Variants in CTNND2 observed in about 807,000 individuals in gnomAD.
CTNND2 encodes the protein catenin delta-2.
Under a neutral mutation model 144.4 loss-of-function variants are expected in CTNND2, and 22 were observed. The observed-to-expected ratio is 0.15, with a 90% confidence interval of 0.11 to 0.22. The LOEUF is 0.22. Ranked by LOEUF, CTNND2 falls within the 10% of genes least tolerant of loss-of-function variation. CTNND2 has a pLI of 1.00. For synonymous variants in CTNND2, 751 were observed against 695.6 expected, an observed-to-expected ratio of 1.08 and a Z score of -1.25; for missense variants, 1,353 against 1,618.8, an observed-to-expected ratio of 0.84 and a Z score of 2.82.
rs918789739 is a variant in CTNND2 at position 11,193,130 on chromosome 5, T to C, written c.1975+6318A>G. Reference sequence around the variant, plus strand: ...AGGCTGCTAAAGGACCCAGGCCCCATAGAGGCACAAGAATCCCCCTGGCTG... The same window carrying C: ...AGGCTGCTAAAGGACCCAGGCCCCACAGAGGCACAAGAATCCCCCTGGCTG... On this transcript the variant is annotated intron_variant, in intron 11 of 21. Transcript: ENST00000304623. 2.6e-5 allele frequency among the ~76,000 whole-genome samples: 4 copies of C among 152,142 alleles called. No homozygotes were observed. In the South Asian group the frequency reaches 6.2e-4, roughly 24 times the overall value.
chr5:11,028,902 G>A (rs978602753), intron 16 of CTNND2, among the ~76,000 whole-genome samples: 16 of 152,146 alleles, frequency 1.1e-4, no homozygotes, highest in Admixed American at 5.2e-4. Context: ...TAGATACAGG[G>A]TGTCACTATG....
At chr5:11,752,955 G>A (rs959846177) in intron 1 of CTNND2, among the ~76,000 whole-genome samples, 3 of 151,536 alleles carry the variant, frequency 2.0e-5, no homozygotes, top group Admixed American at 2.0e-4. Context: ...GAATGGGGTT[G>A]GTTTCTTCAT....
intron 15 of CTNND2, among the ~76,000 whole-genome samples, chr5:11,088,237 G>A (rs970400923): frequency 6.6e-6 from 1 of 152,090 alleles, no homozygotes; most frequent in Admixed American, 6.5e-5. Flanking sequence ...ATCTTATTCT[G>A]AGACCCCTGT....
chr5:11,096,778 A>C (rs572624188), intron 15 of CTNND2, among the ~76,000 whole-genome samples: 1 of 151,022 alleles, frequency 6.6e-6, no homozygotes, highest in East Asian at 1.9e-4. Flanking sequence ...AGAGAGACAG[A>C]GGGAGGGAGG....
intron 3 of CTNND2, among the ~76,000 whole-genome samples, chr5:11,445,148 A>G (rs537840855): frequency 6.6e-6 from 1 of 152,206 alleles, no homozygotes; most frequent in South Asian, 2.1e-4. Flanking sequence ...CCACAGGAGG[A>G]TCTTTCCTTT....
chr5:11,418,629 G>T lies in CTNND2; in HGVS notation c.288-6560C>A, dbSNP rs1489434689. ...GATAACTGGTTTTAAGAAGGGACGA[G>T]ATGATGACGAAGATGAAGCCTGCAG... On this transcript the variant is annotated intron_variant, in intron 3 of 21. Coordinates refer to ENST00000304623, the MANE Select transcript of CTNND2 (RefSeq NM_001332.4). 2.6e-5 allele frequency among the ~76,000 whole-genome samples: 4 copies of T among 152,308 alleles called. No homozygotes were observed. The East Asian group carries it at 7.7e-4, about 29-fold the overall frequency.
Position 11,098,714 on chromosome 5 carries a change from T to A in CTNND2, c.2498A>T (p.Glu833Val). The A allele has an allele frequency of 6.2e-7, 1 of 1,614,170 alleles. No homozygotes were observed. The highest frequency in any genetic ancestry group is 8.5e-7 in the Non-Finnish European group (1 of 1,180,012). The change falls in exon 15 of 22, where the codon GAA becomes GTA. Residue 833 changes from glutamate (E) to valine (V), a missense_variant. By Grantham distance (121) the Glu-to-Val change is moderately radical. Around this residue, in one of 4 missense-constraint regions of CTNND2, gnomAD observed 459 missense variants for 674.3 expected, o/e 0.68. Transcript: ENST00000304623. ...CAGCATCTGGATCCCTTTTGGTGGT[T>A]CAGCACAGTCTGGAAGAGGTCCTAC... ...DGVGPLPDCA[E>V]PPKGIQMLWH... is the part of the protein sequence containing the mutation.
chr5:11,677,849 AT>A (rs1024376370), intron 2 of CTNND2, among the ~76,000 whole-genome samples: 1 of 152,176 alleles, frequency 6.6e-6, no homozygotes, highest in Non-Finnish European at 1.5e-5. Flanking sequence ...GTGGTCCAGA[AT>A]TTGTGGCAAA....
chr5:11,647,942 G>A (rs532568164), intron 2 of CTNND2, among the ~76,000 whole-genome samples: 19 of 152,218 alleles, frequency 1.2e-4, no homozygotes, highest in East Asian at 5.8e-4. Flanking sequence ...ACAGAGTCAC[G>A]GACAGACATA....
intron 1 of CTNND2, among the ~76,000 whole-genome samples, chr5:11,768,858 G>A (rs976824595): frequency 5.3e-5 from 8 of 152,230 alleles, no homozygotes; most frequent in Non-Finnish European, 1.2e-4. Flanking sequence ...TCAAACATGT[G>A]GGGAATTCAG....
At chr5:11,500,345 A>G (rs1770419060) in intron 3 of CTNND2, among the ~76,000 whole-genome samples, 1 of 152,198 alleles carries the variant, frequency 6.6e-6, no homozygotes, top group Non-Finnish European at 1.5e-5. Flanking sequence ...CAAAATAACT[A>G]AACATCAGTT....
chr5:11,395,524 A>C (rs1453940195), intron 6 of CTNND2, among the ~76,000 whole-genome samples: 1 of 152,232 alleles, frequency 6.6e-6, no homozygotes, highest in Non-Finnish European at 1.5e-5. Flanking sequence ...TTCAAACTAT[A>C]ACTCTGATGA....
intron 3 of CTNND2, among the ~76,000 whole-genome samples, chr5:11,443,936 AC>A (rs2149898738): frequency 6.6e-6 from 1 of 152,322 alleles, no homozygotes; most frequent in South Asian, 2.1e-4. Context: ...TCTTACTGAC[AC>A]CAACTGTTAT....
At chr5:11,587,113 A>G (rs531241593) in intron 2 of CTNND2, among the ~76,000 whole-genome samples, 19 of 152,276 alleles carry the variant, frequency 1.2e-4, no homozygotes, top group Non-Finnish European at 1.9e-4. Context: ...ACGTAAATCT[A>G]TTAGACTGAT....
At chr5:11,264,000 G>T (rs530798159) in intron 9 of CTNND2, among the ~76,000 whole-genome samples, 6 of 152,114 alleles carry the variant, frequency 3.9e-5, no homozygotes, top group African/African-American at 1.4e-4. Flanking sequence ...GTAATCTCAC[G>T]TTCACCTTCG....
At chr5:11,267,507 A>G (rs1745567126) in intron 9 of CTNND2, among the ~76,000 whole-genome samples, 1 of 152,128 alleles carries the variant, frequency 6.6e-6, no homozygotes, top group South Asian at 2.1e-4. Context: ...CCTTTAAGAT[A>G]TTTTTATTAA....
At chr5:11,071,000 G>T (rs1010596122) in intron 16 of CTNND2, among the ~76,000 whole-genome samples, 1 of 151,440 alleles carries the variant, frequency 6.6e-6, no homozygotes, top group Non-Finnish European at 1.5e-5. Context: ...AGAGGAGAGG[G>T]GGAGAGGACA....
chr5:11,311,999 CCA>C (rs142393852), intron 9 of CTNND2, among the ~76,000 whole-genome samples: 3,409 of 115,148 alleles, frequency 0.03, 25 homozygotes, highest in Middle Eastern at 0.047. Flanking sequence ...TATATGCACC[CCA>C]CACACACACT....
chr5:11,288,946 A>G (rs916629247), intron 9 of CTNND2, among the ~76,000 whole-genome samples: 2 of 152,152 alleles, frequency 1.3e-5, no homozygotes, highest in African/African-American at 2.4e-5. Context: ...AAATGCTGTC[A>G]AATGTGGAAA....
Sources: gnomAD v4.1 joint callset for allele counts (sites outside exome capture counted in the v4.1 genomes callset) on GRCh38, gnomAD v4.1.1 for gene constraint, gnomAD v4.1.1 regional missense constraint, MANE v1.5 for transcripts, NCBI Gene and HGNC (gene_info 2026-07-23, HGNC 2026-07-21) for gene names.